CSGALNACT1: variants seen among roughly 807,000 people sequenced by gnomAD.
The protein encoded by CSGALNACT1 is chondroitin sulfate N-acetylgalactosaminyltransferase 1, also known as beta4GalNAcT-1.
A neutral mutation model predicts 51.0 loss-of-function variants in CSGALNACT1; 52 were observed. That is an observed-to-expected ratio of 1.02 (90% CI 0.82 to 1.29). The LOEUF (loss-of-function observed/expected upper bound fraction) is 1.29, where lower values mean the gene tolerates loss of function less well. Ranked by LOEUF, CSGALNACT1 falls within the 50% of genes most tolerant of loss-of-function variation. CSGALNACT1 has a pLI of 0.00. For missense variants in CSGALNACT1, 935 were observed against 679.2 expected (o/e 1.38, Z -4.19); for synonymous variants, 341 against 254.4 (o/e 1.34, Z -3.24).
chr8:19,412,923 G>C (rs2056153215), intron 8 of CSGALNACT1, among the ~76,000 whole-genome samples: 1 of 152,094 alleles, frequency 6.6e-6, no homozygotes, highest in African/African-American at 2.4e-5. Context: ...CCCTCTTCTT[G>C]TGGCTTCTTA....
At chr8:19,742,825 G>T (rs1459531976) in intron 1 of CSGALNACT1, among the ~76,000 whole-genome samples, 1 of 152,162 alleles carries the variant, frequency 6.6e-6, no homozygotes, top group Non-Finnish European at 1.5e-5. Flanking sequence ...TCTATCAGGG[G>T]CCTCCACTGT....
chr8:19,666,821 GAGAGAGAGAGAGAA>G lies in CSGALNACT1; in HGVS notation c.-544+15638_-544+15651del, dbSNP rs1564383405. On this transcript the variant is annotated intron_variant, in intron 1 of 9. Coordinates refer to the CSGALNACT1 transcript ENST00000332246. Reference sequence around the variant, plus strand: ...AAAGAAAGAAAGAAAGAGAGAGAGAGAGAGAGAGAGAGAAAGAAAGAAAGAAAGAAAGAAAGAAA... The same window carrying G: ...AAAGAAAGAAAGAAAGAGAGAGAGAGAGAAAGAAAGAAAGAAAGAAAGAAA... Among the ~76,000 whole-genome samples the G allele has an allele frequency of 6.4e-3, 425 of 66,254 alleles. 8 individuals carry two copies. Among genetic ancestry groups the G allele is most frequent in the Non-Finnish European group, 9.7e-3 (306 of 31,652 alleles). 43.5% of individuals were successfully genotyped at this position (66,254 alleles called of 152,430 possible).
At chr8:19,737,293 A>G (rs2064039825) in intron 1 of CSGALNACT1, among the ~76,000 whole-genome samples, 1 of 152,158 alleles carries the variant, frequency 6.6e-6, no homozygotes, top group African/African-American at 2.4e-5. Flanking sequence ...GGAGGCAAGA[A>G]GAAACTGTGA....
At chr8:19,633,601 C>A (rs2055593279) in intron 1 of CSGALNACT1, among the ~76,000 whole-genome samples, 3 of 152,132 alleles carry the variant, frequency 2.0e-5, no homozygotes, top group Non-Finnish European at 4.4e-5. Flanking sequence ...GCAAGGAATC[C>A]CACCGTTGGA....
chr8:19,504,184 C>T (rs1274356093), intron 4 of CSGALNACT1, among the ~76,000 whole-genome samples: 5 of 152,142 alleles, frequency 3.3e-5, no homozygotes, highest in African/African-American at 4.8e-5. Flanking sequence ...TCACGCCATT[C>T]TCCTGCCTCA....
intron 3 of CSGALNACT1, among the ~76,000 whole-genome samples, chr8:19,568,380 A>C (rs2042314852): frequency 6.6e-6 from 1 of 152,160 alleles, no homozygotes; most frequent in Admixed American, 6.5e-5. Flanking sequence ...ATGGTATTAT[A>C]ATCTTATGGG....
chr8:19,543,438 G>C (rs1159829961), intron 3 of CSGALNACT1, among the ~76,000 whole-genome samples: 1 of 152,204 alleles, frequency 6.6e-6, no homozygotes. Context: ...TTCTCTAACT[G>C]ATAAGGTTGT....
intron 1 of CSGALNACT1, among the ~76,000 whole-genome samples, chr8:19,666,955 GAA>G (rs1390401579): frequency 7.4e-5 from 1 of 13,472 alleles, no homozygotes; most frequent in African/African-American, 4.1e-4. Context: ...AAGAAAGAAA[GAA>G]AGAAAGAAAG....
In CSGALNACT1 at chr8:19,458,660, A is replaced by C; in HGVS notation, c.635-18T>G. Reference sequence around the variant, plus strand: ...GTAGATCCCTGTTAAGAGAAAAACAAGGAAAGATAGTTCTAAAAATTAACC... The same window carrying C: ...GTAGATCCCTGTTAAGAGAAAAACACGGAAAGATAGTTCTAAAAATTAACC... On this transcript the variant is annotated intron_variant, in intron 4 of 9. Transcript: ENST00000454498. The C allele has an allele frequency of 6.2e-7, 1 of 1,610,412 alleles. No homozygotes were observed. Among genetic ancestry groups the C allele is most frequent in the Admixed American group, 1.7e-5 (1 of 60,028 alleles).
intron 3 of CSGALNACT1, among the ~76,000 whole-genome samples, chr8:19,511,078 T>C (rs1382413001): frequency 2.0e-5 from 3 of 152,266 alleles, no homozygotes; most frequent in South Asian, 4.1e-4. Flanking sequence ...GCCCTGCTGA[T>C]GACACGCTGT....
intron 1 of CSGALNACT1, among the ~76,000 whole-genome samples, chr8:19,728,639 C>T (rs1454002682): frequency 6.6e-6 from 1 of 152,108 alleles, no homozygotes; most frequent in Non-Finnish European, 1.5e-5. Flanking sequence ...ACATTTCAGC[C>T]CACGATTTAT....
At chr8:19,672,569 T>A (rs2059875972) in intron 1 of CSGALNACT1, among the ~76,000 whole-genome samples, 2 of 152,330 alleles carry the variant, frequency 1.3e-5, no homozygotes, top group South Asian at 4.1e-4. Flanking sequence ...CTATCTAATA[T>A]AAATGCTTAA....
At position 19,462,163 on chromosome 8, in the gene CSGALNACT1, G is replaced by A. The variant is rs556244004; in HGVS notation, c.635-3521C>T. Among the ~76,000 whole-genome samples the A allele has an allele frequency of 3.3e-5, 5 of 152,362 alleles. No homozygotes were observed. In the East Asian group the frequency reaches 7.7e-4, roughly 23 times the overall value. On this transcript the variant is annotated intron_variant, in intron 4 of 9. Transcript: ENST00000454498. ...CCAGAGAGGGCCTAACTGCAGAGGAGCCATATTCGCCACAGAGGCCATATC... is the reference window on the plus strand; with the variant it reads ...CCAGAGAGGGCCTAACTGCAGAGGAACCATATTCGCCACAGAGGCCATATC...
At chr8:19,612,302 C>A (rs930000367) in intron 1 of CSGALNACT1, among the ~76,000 whole-genome samples, 4 of 151,562 alleles carry the variant, frequency 2.6e-5, no homozygotes, top group African/African-American at 9.7e-5. Context: ...AAGATCGCAC[C>A]ACTGCACTCC....
At chr8:19,629,326 T>C (rs1026377188) in intron 1 of CSGALNACT1, among the ~76,000 whole-genome samples, 17 of 152,226 alleles carry the variant, frequency 1.1e-4, no homozygotes, top group Non-Finnish European at 2.4e-4. Flanking sequence ...TTCATTGTAC[T>C]CAAAATGAAA....
Position 19,484,916 on chromosome 8 carries a change from C to T in CSGALNACT1, c.634+20285G>A, listed in dbSNP as rs778076699. 3.6e-4 allele frequency among the ~76,000 whole-genome samples: 55 copies of T among 152,178 alleles called. 1 individual carries two copies. The highest frequency in any genetic ancestry group is 3.4e-3 in the Middle Eastern group (1 of 294). On this transcript the variant is annotated intron_variant, in intron 4 of 9. Transcript: ENST00000454498. Reference sequence around the variant, plus strand: ...AAAGGAAGAGTCATTTTTGACCTGTCCTCACTGAGGACACAGTGAGAGGGG... The same window carrying T: ...AAAGGAAGAGTCATTTTTGACCTGTTCTCACTGAGGACACAGTGAGAGGGG...
intron 3 of CSGALNACT1, among the ~76,000 whole-genome samples, chr8:19,569,434 A>G (rs189280501): frequency 2.2e-4 from 34 of 152,298 alleles, no homozygotes; most frequent in African/African-American, 7.7e-4. Flanking sequence ...TGATACAATA[A>G]AGCTTTTTGA....
At chr8:19,545,588 T>C (rs1284828043) in intron 3 of CSGALNACT1, among the ~76,000 whole-genome samples, 3 of 151,974 alleles carry the variant, frequency 2.0e-5, no homozygotes, top group Non-Finnish European at 4.4e-5. Flanking sequence ...GTTTCAAACA[T>C]AATATGCATT....
intron 5 of CSGALNACT1, among the ~76,000 whole-genome samples, chr8:19,447,318 G>A (rs1345995530): frequency 1.3e-5 from 2 of 152,306 alleles, no homozygotes; most frequent in Admixed American, 6.5e-5. Flanking sequence ...ATGGCCAGGT[G>A]GAAGGGAAAA....
Sources: gnomAD v4.1 joint callset for allele counts (sites outside exome capture counted in the v4.1 genomes callset) on GRCh38, gnomAD v4.1.1 for gene constraint, MANE v1.5 for transcripts, NCBI Gene and HGNC (gene_info 2026-07-23, HGNC 2026-07-21) for gene names.